WAC: variants seen among roughly 807,000 people sequenced by gnomAD.
WAC encodes the protein WW domain containing adaptor with coiled-coil.
In WAC, 11 loss-of-function variants were observed where a neutral mutation model predicts 79.6. That is an observed-to-expected ratio of 0.14 (90% CI 0.09 to 0.23). The LOEUF is 0.23. Ranked by LOEUF, WAC falls within the 10% of genes least tolerant of loss-of-function variation. WAC has a pLI of 1.00. For synonymous variants in WAC, 304 were observed against 276.9 expected, an observed-to-expected ratio of 1.10 and a Z score of -0.97; for missense variants, 728 against 773.5, an observed-to-expected ratio of 0.94 and a Z score of 0.70.
intron 4 of WAC, among the ~76,000 whole-genome samples, chr10:28,587,102 G>A (rs542952426): frequency 6.6e-6 from 1 of 152,210 alleles, no homozygotes; most frequent in South Asian, 2.1e-4. Flanking sequence ...TCTCGGGGAA[G>A]AACGGAAAGG....
At chr10:28,617,149 A>G (rs1589250434) in intron 12 of WAC, among the ~76,000 whole-genome samples, 2 of 152,336 alleles carry the variant, frequency 1.3e-5, no homozygotes, top group South Asian at 4.1e-4. Context: ...ACTGGAAGTT[A>G]GGAAACATTT....
At position 28,533,497 on chromosome 10, in the gene WAC, G is replaced by T; in HGVS notation, c.-83G>T. 1 of 671,362 alleles carries T rather than the reference G, an allele frequency of 1.5e-6. No homozygotes were observed. The highest frequency in any genetic ancestry group is 1.9e-6 in the Non-Finnish European group (1 of 526,188). The allele number at this position is 671,362 out of a possible 1,614,324, so 41.6% of individuals were successfully genotyped here. On this transcript the variant is annotated 5_prime_UTR_variant, in exon 1 of 14. Coordinates refer to ENST00000354911, the MANE Select transcript of WAC (RefSeq NM_016628.5). ...CAGGTGCCGGGGCTGCCCGCCGCCC[G>T]CCGCCGCCGCCGCCTGCGCGCCCGC...
chr10:28,558,085 G>A (rs1422374208), intron 3 of WAC, among the ~76,000 whole-genome samples: 1 of 151,944 alleles, frequency 6.6e-6, no homozygotes. Flanking sequence ...GAAAAAAAAA[G>A]AAAATACTCT....
intron 8 of WAC, among the ~76,000 whole-genome samples, chr10:28,609,813 A>G (rs1250159198): frequency 3.3e-5 from 5 of 152,258 alleles, no homozygotes; most frequent in Non-Finnish European, 5.9e-5. Context: ...GGTGAAGGCT[A>G]TGGTAAGCTG....
At chr10:28,604,789 T>C (rs927046602) in intron 7 of WAC, among the ~76,000 whole-genome samples, 1 of 152,138 alleles carries the variant, frequency 6.6e-6, no homozygotes, top group Non-Finnish European at 1.5e-5. Flanking sequence ...GGAGGGATAA[T>C]AAATGTTATG....
chr10:28,543,279 T>A (rs1445246230), intron 3 of WAC, among the ~76,000 whole-genome samples: 1 of 152,198 alleles, frequency 6.6e-6, no homozygotes, highest in Admixed American at 6.5e-5. Context: ...TGTACTTTTC[T>A]AGTAGCTTTG....
intron 3 of WAC, among the ~76,000 whole-genome samples, chr10:28,568,424 G>A (rs1268393689): frequency 1.3e-5 from 2 of 151,854 alleles, no homozygotes; most frequent in Non-Finnish European, 2.9e-5. Flanking sequence ...ACTGTCAGCC[G>A]GGCTGGTGTG....
chr10:28,566,742 T>G (rs1250074215), intron 3 of WAC, among the ~76,000 whole-genome samples: 1 of 152,248 alleles, frequency 6.6e-6, no homozygotes, highest in Non-Finnish European at 1.5e-5. Context: ...CCATTTTTGT[T>G]TTGTAAGTGA....
At chr10:28,557,124 T>TTAAA (rs1056305855) in intron 3 of WAC, among the ~76,000 whole-genome samples, 1 of 152,096 alleles carries the variant, frequency 6.6e-6, no homozygotes, top group African/African-American at 2.4e-5. Context: ...TCACGGTTAT[T>TTAAA]TAAGTTGAAC....
intron 3 of WAC, among the ~76,000 whole-genome samples, chr10:28,559,399 T>A (rs332128): frequency 0.84 from 127,222 of 152,088 alleles, 53,331 homozygotes; most frequent in East Asian, 0.94. Flanking sequence ...TTTAAACAAG[T>A]TAGCTACCAG....
rs190231708 is a variant in WAC, at chr10:28,550,969, C to T, written c.274+15212C>T. Among the ~76,000 whole-genome samples the T allele has an allele frequency of 5.9e-3, 906 of 152,292 alleles. 12 individuals are homozygous for T. The highest frequency in any genetic ancestry group is 0.021 in the African/African-American group (861 of 41,562). On this transcript the variant is annotated intron_variant, in intron 3 of 13. Transcript: ENST00000354911. ...TACTGAAGTGACATTTTAAATTTTGCAGTTCAGGCTCTTCACTAATTTTAT... is the reference window on the plus strand; with the variant it reads ...TACTGAAGTGACATTTTAAATTTTGTAGTTCAGGCTCTTCACTAATTTTAT...
rs1841522278 is a variant in WAC at position 28,617,453 on chromosome 10, T to TA, written c.1747-203dup. ...TATTTTCTCCAACTTAGAAGAGAAA[T>TA]ATTAAAATAAGTACCTTCCACCCTT... On this transcript the variant is annotated intron_variant, in intron 12 of 13. Transcript: ENST00000354911. Among the ~76,000 whole-genome samples the TA allele has an allele frequency of 2.6e-5, 4 of 152,332 alleles. No homozygotes were observed. The South Asian group carries it at 8.3e-4, about 32-fold the overall frequency.
At chr10:28,552,959 C>T (rs1274875753) in intron 3 of WAC, among the ~76,000 whole-genome samples, 1 of 146,774 alleles carries the variant, frequency 6.8e-6, no homozygotes, top group Admixed American at 7.0e-5. Flanking sequence ...GAGAGCCTTT[C>T]GATTTTTGTA....
chr10:28,595,386 A>T (rs537608110), intron 6 of WAC, among the ~76,000 whole-genome samples: 3 of 152,060 alleles, frequency 2.0e-5, no homozygotes, highest in East Asian at 1.9e-4. Context: ...AACATTTTTT[A>T]AAATTTTATA....
chr10:28,584,747 CATT>C (rs1353581742), intron 4 of WAC, among the ~76,000 whole-genome samples: 1 of 152,050 alleles, frequency 6.6e-6, no homozygotes, highest in Non-Finnish European at 1.5e-5. Context: ...AAAATTGAGA[CATT>C]AGGATAATAT....
chr10:28,537,518 C>A, intron 3 of WAC: 1 of 152,188 alleles, frequency 6.6e-6, no homozygotes, highest in East Asian at 1.9e-4. Flanking sequence ...TGCAAGAAGT[C>A]AGTTTTTCAG....
At chr10:28,612,966 C>T (rs1158913964) in intron 10 of WAC, among the ~76,000 whole-genome samples, 1 of 152,092 alleles carries the variant, frequency 6.6e-6, no homozygotes, top group Non-Finnish European at 1.5e-5. Flanking sequence ...GTTTTATAGT[C>T]ACTTGTAAAC....
intron 3 of WAC, among the ~76,000 whole-genome samples, chr10:28,566,395 ATTAAG>A (rs1166670090): frequency 6.6e-6 from 1 of 152,200 alleles, no homozygotes; most frequent in East Asian, 1.9e-4. Flanking sequence ...CACAAAACAA[ATTAAG>A]TTGTCAAAAT....
At chr10:28,577,472 T>C (rs1368183910) in intron 3 of WAC, among the ~76,000 whole-genome samples, 1 of 152,224 alleles carries the variant, frequency 6.6e-6, no homozygotes. Context: ...GACTTTTTAA[T>C]ATGCAGTTTT....
Sources: allele counts gnomAD v4.1 joint callset (sites outside exome capture counted in the v4.1 genomes callset), GRCh38; gene constraint gnomAD v4.1.1; transcripts MANE v1.5; gene names NCBI Gene and HGNC (gene_info 2026-07-23, HGNC 2026-07-21).